RFX2: variants seen among roughly 807,000 people sequenced by gnomAD.
RFX2 encodes the protein regulatory factor X2, also known as DNA-binding protein RFX2.
A neutral mutation model predicts 87.8 loss-of-function variants in RFX2; 20 were observed. The observed-to-expected ratio is 0.23, with a 90% CI of 0.16 to 0.33. The LOEUF is 0.33. RFX2 is among the 10% of genes least tolerant of loss of function. The pLI is 1.00. For missense variants in RFX2, 767 were observed against 1,012.3 expected (o/e 0.76, Z 3.29); for synonymous variants, 397 against 431.3 (o/e 0.92, Z 0.98).
rs1370792714 is a variant in RFX2 at position 6,010,882 on chromosome 19, C to T, written c.900-631G>A. 1.3e-5 allele frequency among the ~76,000 whole-genome samples: 2 copies of T among 152,230 alleles called. No homozygotes were observed. Among genetic ancestry groups the T allele is most frequent in the Admixed American group, 6.5e-5 (1 of 15,280 alleles). On this transcript the variant is annotated intron_variant, in intron 8 of 17. Transcript: ENST00000303657. The surrounding 1 kb of genome is among the most constrained non-coding windows in gnomAD (Gnocchi z 5.0). ...CTGTAATCCCAGTGCTTTGGGAGGC[C>T]GAGGCAGGTGGATCATCTGAGGTCG...
At chr19:6,102,579 CT>C (rs979725932) in intron 1 of RFX2, among the ~76,000 whole-genome samples, 18 of 152,246 alleles carry the variant, frequency 1.2e-4, no homozygotes, top group African/African-American at 4.3e-4. Flanking sequence ...CAGGTTGCCC[CT>C]GCCTCTTCTG....
In RFX2 at chr19:6,020,758, T is replaced by C. The variant is rs953400036; in HGVS notation, c.598-4487A>G. On this transcript the variant is annotated intron_variant, in intron 6 of 17. Transcript: ENST00000303657. The surrounding 1 kb of genome is among the most constrained non-coding windows in gnomAD (Gnocchi z 5.3). The stretch of plus-strand genomic sequence containing the variant: ...CGGAGTCACCTTTCTGGTTTGGGCA[T>C]GTTCTGCAGTCTGCTTTGTCTGCTG... Among the ~76,000 whole-genome samples, 1 of 152,266 alleles carries C rather than the reference T, an allele frequency of 6.6e-6. No individual in the cohort carries two copies.
chr19:6,065,052 T>A (rs931598184), intron 1 of RFX2, among the ~76,000 whole-genome samples: 11 of 152,178 alleles, frequency 7.2e-5, no homozygotes, highest in African/African-American at 1.2e-4. Context: ...ATGATAAATT[T>A]AAAAAAAATT....
At chr19:6,041,470 C>A (rs1387045623) in intron 4 of RFX2, among the ~76,000 whole-genome samples, 1 of 152,196 alleles carries the variant, frequency 6.6e-6, no homozygotes, top group Non-Finnish European at 1.5e-5. Flanking sequence ...TCTAGACATC[C>A]TTGCAACATG....
chr19:6,077,980 C>G (rs955253213), intron 1 of RFX2: 1 of 58,902 alleles, frequency 1.7e-5, no homozygotes, highest in Admixed American at 2.1e-4. Context: ...AATTCCATCT[C>G]AAAAAAAAAA....
intron 1 of RFX2, among the ~76,000 whole-genome samples, chr19:6,059,140 C>T (rs1282014138): frequency 1.3e-5 from 2 of 152,068 alleles, no homozygotes; most frequent in Non-Finnish European, 2.9e-5. Context: ...CCAGCACGCC[C>T]GGCTAATTTT....
intron 1 of RFX2, among the ~76,000 whole-genome samples, chr19:6,066,887 T>C (rs1411528504): frequency 6.6e-6 from 1 of 152,054 alleles, no homozygotes; most frequent in Admixed American, 6.5e-5. Flanking sequence ...AACCAAACAA[T>C]GTCATCCCGG....
intron 5 of RFX2, among the ~76,000 whole-genome samples, chr19:6,037,956 G>C (rs1471483800): frequency 6.6e-6 from 1 of 151,188 alleles, no homozygotes; most frequent in Admixed American, 6.6e-5. Flanking sequence ...TGTTTCATAA[G>C]CAAAAAAAAA....
chr19:6,018,971 C>T (rs1316138857), intron 6 of RFX2, among the ~76,000 whole-genome samples: 2 of 152,216 alleles, frequency 1.3e-5, no homozygotes, highest in African/African-American at 2.4e-5. Context: ...ACCTCCTCCT[C>T]AGCACCAGGG....
At chr19:6,093,740 A>C (rs1599928239) in intron 1 of RFX2, among the ~76,000 whole-genome samples, 2 of 152,066 alleles carry the variant, frequency 1.3e-5, no homozygotes, top group East Asian at 3.8e-4. Flanking sequence ...AAAACACACA[A>C]AAAAACCCTA....
rs565605749 is a variant in RFX2 at position 6,022,000 on chromosome 19, T to C, written c.597+4163A>G. Among the ~76,000 whole-genome samples the C allele has an allele frequency of 6.7e-6, 1 of 149,310 alleles. No homozygotes were observed. Among genetic ancestry groups the C allele is most frequent in the South Asian group, 2.1e-4 (1 of 4,698 alleles). On this transcript the variant is annotated intron_variant, in intron 6 of 17. Transcript: ENST00000303657. The surrounding 1 kb of genome is among the most constrained non-coding windows in gnomAD (Gnocchi z 5.7). ...CCTGGTTCTGGATCTTTCTTGAAGG[T>C]GAGGTTGAAGAGCATCTGGGGGTGG...
In RFX2 at chr19:5,998,978, A is replaced by C. The variant is rs1285681368; in HGVS notation, c.1860-1765T>G. 1.3e-5 allele frequency among the ~76,000 whole-genome samples: 2 copies of C among 152,208 alleles called. No homozygotes were observed. Among genetic ancestry groups the C allele is most frequent in the Non-Finnish European group, 2.9e-5 (2 of 68,030 alleles). On this transcript the variant is annotated intron_variant, in intron 15 of 17. Coordinates refer to ENST00000303657, the MANE Select transcript of RFX2 (RefSeq NM_000635.4). This position sits in a 1 kb window ranked among gnomAD's most constrained non-coding sequence, Gnocchi z 4.2. ...ACGTGCATAAGAATGAAGTCAGACCAGGCGTGGTGGCTCATGACTGGAATC... is the reference window on the plus strand; with the variant it reads ...ACGTGCATAAGAATGAAGTCAGACCCGGCGTGGTGGCTCATGACTGGAATC...
rs1275019229 is a variant in RFX2, at chr19:5,997,139, T to C, written c.1934A>G (p.Tyr645Cys). Residue 645 changes from tyrosine to cysteine, a missense_variant, in exon 16 of 18, where the codon TAC becomes TGC. Physicochemically the swap from Tyr to Cys is radical, Grantham distance 194 (BLOSUM62 -2). This residue lies in a region of RFX2 where 621 missense variants were observed against 873.0 expected (regional missense o/e 0.71). Coordinates refer to ENST00000303657, the MANE Select transcript of RFX2 (RefSeq NM_000635.4). This position sits in a 1 kb window ranked among gnomAD's most constrained non-coding sequence, Gnocchi z 4.2. ...CACCAGGTAGAACATGTACTCGTCG[T>C]AGAGCAGGCGGATGAGGTGGAAGGA... ...FGSFHLIRLLYDEYMFYLVEH... is the reference protein window; with the variant it reads ...FGSFHLIRLLCDEYMFYLVEH... 6.2e-7 allele frequency: 1 copy of C among 1,613,790 alleles called. No individual in the cohort carries two copies. The highest frequency in any genetic ancestry group is 8.5e-7 in the Non-Finnish European group (1 of 1,180,002).
chr19:6,019,419 CCCTTAAGA>C lies in RFX2; in HGVS notation c.598-3156_598-3149del, dbSNP rs2144718349. Reference sequence around the variant, plus strand: ...GTCCGGCTCTGGCAGAGTGCTTGGACCCTTAAGAGCTTAAGAGCTCCGGAGTCTTCCCT... The same window carrying C: ...GTCCGGCTCTGGCAGAGTGCTTGGACGCTTAAGAGCTCCGGAGTCTTCCCT... On this transcript the variant is annotated intron_variant, in intron 6 of 17. Coordinates refer to ENST00000303657, the MANE Select transcript of RFX2 (RefSeq NM_000635.4). 2.0e-5 allele frequency among the ~76,000 whole-genome samples: 3 copies of C among 151,952 alleles called. No individual in the cohort carries two copies. In the East Asian group the frequency reaches 5.8e-4, roughly 29 times the overall value.
In RFX2 at chr19:5,999,163, C is replaced by T. The variant is rs1399738937; in HGVS notation, c.1860-1950G>A. On this transcript the variant is annotated intron_variant, in intron 15 of 17. Coordinates refer to ENST00000303657, the MANE Select transcript of RFX2 (RefSeq NM_000635.4). This position sits in a 1 kb window ranked among gnomAD's most constrained non-coding sequence, Gnocchi z 4.1. ...CCCAGCTATTCAGGAGGCTGAGGCA[C>T]GAGAAGTGCTTGAACCCGGGAAGGG... is the stretch of plus-strand genomic sequence containing the variant. Among the ~76,000 whole-genome samples, 1 of 152,032 alleles carries T rather than the reference C, an allele frequency of 6.6e-6. No individual in the cohort carries two copies. Among genetic ancestry groups the T allele is most frequent in the Non-Finnish European group, 1.5e-5 (1 of 68,030 alleles).
intron 1 of RFX2, among the ~76,000 whole-genome samples, chr19:6,052,692 G>T (rs1019336662): frequency 3.9e-5 from 6 of 152,202 alleles, no homozygotes; most frequent in African/African-American, 1.4e-4. Flanking sequence ...TACAGAGCAT[G>T]TATGCACTTT....
In RFX2 at chr19:5,996,971, G is replaced by A; in HGVS notation, c.2013+89C>T. The A allele has an allele frequency of 2.9e-6, 4 of 1,366,214 alleles. 1 individual carries two copies. The highest frequency in any genetic ancestry group is 2.8e-5 in the South Asian group (2 of 71,108). The allele number at this position is 1,366,214 out of a possible 1,614,324, so 84.6% of individuals were successfully genotyped here. On this transcript the variant is annotated intron_variant, in intron 16 of 17. Transcript: ENST00000303657. ...GGCGGCAGAGCAGTGGGACCTGCGA[G>A]TGTCCTCTCTCTGGGCTGCTCAGAG...
In RFX2 at chr19:6,026,031, C is replaced by T. The variant is rs913988324; in HGVS notation, c.597+132G>A. On this transcript the variant is annotated intron_variant, in intron 6 of 17. Coordinates refer to ENST00000303657, the MANE Select transcript of RFX2 (RefSeq NM_000635.4). This position sits in a 1 kb window ranked among gnomAD's most constrained non-coding sequence, Gnocchi z 4.5. Reference sequence around the variant, plus strand: ...AACTCCTGACTTCAAGTGATCCACCCGCCTTGGCCTCCCAAAGTGCTGGGA... The same window carrying T: ...AACTCCTGACTTCAAGTGATCCACCTGCCTTGGCCTCCCAAAGTGCTGGGA... The T allele has an allele frequency of 2.7e-5, 19 of 693,450 alleles. No individual in the cohort carries two copies. Among genetic ancestry groups the T allele is most frequent in the South Asian group, 7.1e-5 (4 of 56,684 alleles). The allele number at this position is 693,450 out of a possible 1,614,324, so 43.0% of individuals were successfully genotyped here. A position where few individuals can be genotyped will look rare whatever the true frequency, so the allele number is the denominator to read the frequency against.
Position 6,064,219 on chromosome 19 carries a change from T to C in RFX2, c.-8-16715A>G, listed in dbSNP as rs1244712655. Among the ~76,000 whole-genome samples the C allele has an allele frequency of 6.6e-6, 1 of 152,174 alleles. No individual in the cohort carries two copies. The highest frequency in any genetic ancestry group is 1.5e-5 in the Non-Finnish European group (1 of 68,024). ...TCACCTGTTCTAGCCACCTTCACCA[T>C]GTTGGCCTCCAGCTCCCGTCTTCAG... On this transcript the variant is annotated intron_variant, in intron 1 of 17. Coordinates refer to ENST00000303657, the MANE Select transcript of RFX2 (RefSeq NM_000635.4). This position sits in a 1 kb window ranked among gnomAD's most constrained non-coding sequence, Gnocchi z 4.8.
Sources: gnomAD v4.1 joint callset for allele counts (sites outside exome capture counted in the v4.1 genomes callset) on GRCh38, gnomAD v4.1.1 for gene constraint, gnomAD v4.1.1 regional missense constraint, Gnocchi (gnomAD v3.1) non-coding constraint, MANE v1.5 for transcripts, NCBI Gene and HGNC (gene_info 2026-07-23, HGNC 2026-07-21) for gene names.